Variants in EYA1 observed in about 807,000 individuals in gnomAD.
The protein encoded by EYA1 is protein phosphatase EYA1.
A neutral mutation model predicts 82.0 loss-of-function variants in EYA1; 16 were observed. The observed-to-expected ratio is 0.20, with a 90% CI of 0.13 to 0.30. The LOEUF (loss-of-function observed/expected upper bound fraction) is 0.30. Among genes scored for constraint, EYA1 ranks in the 10% least tolerant of loss-of-function variants. The pLI is 1.00. For missense variants in EYA1, 633 were observed against 730.7 expected (o/e 0.87, Z 1.54); for synonymous variants, 261 against 264.4 (o/e 0.99, Z 0.12).
At chr8:71,299,574 A>G (rs760723316) in intron 8 of EYA1, 64 bp downstream of exon 8, 1 of 947,936 alleles carries the variant, frequency 1.1e-6, no homozygotes, top group Non-Finnish European at 1.7e-6. Context: ...ATCTTTCTTT[A>G]CATAAGAAAA....
chr8:71,372,803 T>C (rs999167467), intron 2 of EYA1, among the ~76,000 whole-genome samples: 1 of 152,142 alleles, frequency 6.6e-6, no homozygotes, highest in Admixed American at 6.5e-5. Context: ...GTGGGGGTTA[T>C]CTCTAGGATT....
chr8:71,398,714 G>A (rs374053117), intron 2 of EYA1, among the ~76,000 whole-genome samples: 4 of 152,214 alleles, frequency 2.6e-5, no homozygotes, highest in Non-Finnish European at 5.9e-5. Context: ...CTACTGGGAG[G>A]TGTCTCCCAT....
chr8:71,469,077 T>G (rs1197872772), intron 2 of EYA1, among the ~76,000 whole-genome samples: 1 of 152,078 alleles, frequency 6.6e-6, no homozygotes, highest in Admixed American at 6.6e-5. Context: ...GGGTCAAATG[T>G]TCATTCATTT....
At chr8:71,479,718 C>G (rs1274947146) in intron 2 of EYA1, among the ~76,000 whole-genome samples, 3 of 150,808 alleles carry the variant, frequency 2.0e-5, no homozygotes, top group Non-Finnish European at 4.4e-5. Context: ...ATGGCCCAAG[C>G]AGCTACACTG....
Position 71,381,609 on chromosome 8 carries a change from T to C in EYA1, c.34-25098A>G, listed in dbSNP as rs76103720. ...CATTTTTATCAGAGCTGGAAAAAAA[T>C]ATGTATTACACTCATCCTTACAGTA... On this transcript the variant is annotated intron_variant, in intron 2 of 18. Transcript: ENST00000643681. Among the ~76,000 whole-genome samples the C allele has an allele frequency of 3.4e-3, 514 of 152,114 alleles. 11 individuals carry two copies. Among genetic ancestry groups the C allele is most frequent in the Admixed American group, 0.025 (382 of 15,296 alleles).
rs373470300 is a variant in EYA1 at position 71,402,966 on chromosome 8, A to G, written c.34-46455T>C. Among the ~76,000 whole-genome samples the G allele has an allele frequency of 2.5e-4, 38 of 152,340 alleles. No individual in the cohort carries two copies. The East Asian group carries it at 6.6e-3, about 26-fold the overall frequency. Reference sequence around the variant, plus strand: ...TCCAGATGAATTAACTTCAAGCATAAATGATAAAAAATATTAAAAAGAAAA... The same window carrying G: ...TCCAGATGAATTAACTTCAAGCATAGATGATAAAAAATATTAAAAAGAAAA... On this transcript the variant is annotated intron_variant, in intron 2 of 18. Coordinates refer to the EYA1 transcript ENST00000643681.
At chr8:71,201,083 G>A (rs2128806696) in intron 17 of EYA1, among the ~76,000 whole-genome samples, 1 of 148,294 alleles carries the variant, frequency 6.7e-6, no homozygotes, top group East Asian at 2.0e-4. Context: ...CTGATGCAGG[G>A]CCTAGTAAGC....
chr8:71,296,501 G>A (rs1819609652), intron 9 of EYA1, among the ~76,000 whole-genome samples: 1 of 151,294 alleles, frequency 6.6e-6, no homozygotes, highest in Middle Eastern at 3.2e-3. Context: ...ACCTAGATTT[G>A]TCCCTACTGC....
chr8:71,522,241 C>G (rs565635144), intron 2 of EYA1, among the ~76,000 whole-genome samples: 157 of 152,340 alleles, frequency 1.0e-3, no homozygotes, highest in Middle Eastern at 0.01. Context: ...TATAGCCCCA[C>G]TTACTCTCTT....
At chr8:71,281,589 C>T (rs1401710156) in intron 9 of EYA1, among the ~76,000 whole-genome samples, 1 of 152,234 alleles carries the variant, frequency 6.6e-6, no homozygotes, top group Non-Finnish European at 1.5e-5. Flanking sequence ...TTATCTCTGG[C>T]CACTGCCACG....
At chr8:71,489,376 T>C (rs1286947406) in intron 2 of EYA1, among the ~76,000 whole-genome samples, 1 of 152,218 alleles carries the variant, frequency 6.6e-6, no homozygotes, top group African/African-American at 2.4e-5. Context: ...TATTTATCAT[T>C]GTACTATATG....
At chr8:71,276,697 C>T (rs1231751722) in intron 9 of EYA1, among the ~76,000 whole-genome samples, 1 of 152,158 alleles carries the variant, frequency 6.6e-6, no homozygotes, top group African/African-American at 2.4e-5. Flanking sequence ...CTATTTTCTG[C>T]ACTGCCATCA....
At chr8:71,437,070 A>C (rs1806064939) in intron 2 of EYA1, among the ~76,000 whole-genome samples, 1 of 139,052 alleles carries the variant, frequency 7.2e-6, no homozygotes, top group African/African-American at 2.7e-5. Context: ...ATATATATAT[A>C]TCTCCATCTT....
chr8:71,240,275 T>TC (rs1056503469), intron 12 of EYA1, among the ~76,000 whole-genome samples: 2 of 152,024 alleles, frequency 1.3e-5, no homozygotes, highest in African/African-American at 4.8e-5. Context: ...GGCCTTTTTT[T>TC]TTTTTTTTAA....
chr8:71,312,584 C>T (rs1057323479), intron 7 of EYA1, among the ~76,000 whole-genome samples: 16 of 152,058 alleles, frequency 1.1e-4, no homozygotes, highest in African/African-American at 3.6e-4. Flanking sequence ...ATTACAGGCA[C>T]GTGACATTAC....
At chr8:71,539,159 C>T (rs1331227509) in intron 1 of EYA1, among the ~76,000 whole-genome samples, 1 of 151,988 alleles carries the variant, frequency 6.6e-6, no homozygotes, top group Admixed American at 6.6e-5. Context: ...AGCTATTCAC[C>T]CTAAGCATAG....
At chr8:71,463,116 TC>T (rs1348287693) in intron 2 of EYA1, among the ~76,000 whole-genome samples, 1 of 152,218 alleles carries the variant, frequency 6.6e-6, no homozygotes, top group Non-Finnish European at 1.5e-5. Flanking sequence ...GCAATAGTCT[TC>T]AAAATCTGGT....
chr8:71,328,910 A>C (rs1224912792), intron 4 of EYA1, among the ~76,000 whole-genome samples: 1 of 152,150 alleles, frequency 6.6e-6, no homozygotes, highest in Non-Finnish European at 1.5e-5. Flanking sequence ...AGCCACAATC[A>C]CATTGATCAA....
intron 2 of EYA1, among the ~76,000 whole-genome samples, chr8:71,504,243 C>G (rs1812026015): frequency 6.6e-6 from 1 of 152,036 alleles, no homozygotes; most frequent in African/African-American, 2.4e-5. Flanking sequence ...GAACTACTGA[C>G]TATAGGGAAA....
Sources: allele counts gnomAD v4.1 joint callset (sites outside exome capture counted in the v4.1 genomes callset), GRCh38; gene constraint gnomAD v4.1.1; transcripts MANE v1.5; gene names NCBI Gene and HGNC (gene_info 2026-07-23, HGNC 2026-07-21).